Variants in PPP5C observed in about 807,000 individuals in gnomAD.
PPP5C encodes the protein serine/threonine-protein phosphatase 5.
A neutral mutation model predicts 66.7 loss-of-function variants in PPP5C; 21 were observed. The ratio of observed to expected loss-of-function variants is 0.31; its 90% CI spans 0.22 to 0.45. The LOEUF is 0.45. Among genes scored for constraint, PPP5C ranks in the 20% least tolerant of loss-of-function variants. The pLI is 1.00. For synonymous variants in PPP5C, 246 were observed against 257.4 expected (o/e 0.96, Z 0.43); for missense variants, 464 against 675.9 (o/e 0.69, Z 3.48).
At chr19:46,381,250 A>G (rs566842684) in intron 4 of PPP5C, among the ~76,000 whole-genome samples, 1 of 152,164 alleles carries the variant, frequency 6.6e-6, no homozygotes, top group African/African-American at 2.4e-5. Flanking sequence ...GTGTTCATGC[A>G]TGTTGTCCAC....
At chr19:46,371,037 G>A (rs186641806) in intron 2 of PPP5C, among the ~76,000 whole-genome samples, 89 of 152,282 alleles carry the variant, frequency 5.8e-4, no homozygotes, top group African/African-American at 2.0e-3. Flanking sequence ...ACCACGTCCA[G>A]CCTGTGTGTG....
intron 7 of PPP5C, among the ~76,000 whole-genome samples, chr19:46,385,481 T>C (rs566339178): frequency 1.3e-3 from 196 of 152,170 alleles, no homozygotes; most frequent in African/African-American, 4.6e-3. Context: ...TTGTCTCCAG[T>C]AAACATTTTT....
At position 46,383,432 on chromosome 19, in the gene PPP5C, G is replaced by T; in HGVS notation, c.655G>T (p.Val219Phe). 6.2e-7 allele frequency: 1 copy of T among 1,612,380 alleles called. No individual in the cohort carries two copies. The highest frequency in any genetic ancestry group is 1.1e-5 in the South Asian group (1 of 90,676). Residue 219 changes from valine to phenylalanine, a missense_variant, in exon 5 of 13, where the codon GTC (valine) becomes TTC (phenylalanine). Val to Phe is a conservative substitution (Grantham distance 50). Coordinates refer to ENST00000012443, the MANE Select transcript of PPP5C (RefSeq NM_006247.4). This position sits in a 1 kb window ranked among gnomAD's most constrained non-coding sequence, Gnocchi z 5.0. ...CCAGATTCTGGTACAGGTCAAAGAG[G>T]TCCTCTCCAAGCTGAGCACGCTCGT... ...AYQILVQVKEVLSKLSTLVET... is the reference protein window; with the variant it reads ...AYQILVQVKEFLSKLSTLVET...
chr19:46,369,285 T>C (rs371854448), intron 2 of PPP5C, among the ~76,000 whole-genome samples: 2 of 152,214 alleles, frequency 1.3e-5, no homozygotes, highest in African/African-American at 4.8e-5. Flanking sequence ...AGCATGTTAC[T>C]TTAGTGAATG....
chr19:46,384,759 GCA>G, intron 6 of PPP5C, 43 bp from the exon 7 acceptor site: 33 of 1,342,726 alleles, frequency 2.5e-5, no homozygotes, highest in Non-Finnish European at 3.5e-5. Flanking sequence ...CCACCGCACC[GCA>G]CCCTTCCCCT....
At chr19:46,372,943 G>C (rs1394103325) in intron 2 of PPP5C, among the ~76,000 whole-genome samples, 1 of 152,274 alleles carries the variant, frequency 6.6e-6, no homozygotes, top group Non-Finnish European at 1.5e-5. Flanking sequence ...GTCCCAGCTA[G>C]ACCTTGCGTG....
intron 2 of PPP5C, among the ~76,000 whole-genome samples, chr19:46,357,176 T>C (rs749100949): frequency 3.3e-5 from 5 of 152,174 alleles, no homozygotes; most frequent in Non-Finnish European, 5.9e-5. Flanking sequence ...GCCTCCCAAG[T>C]AGCTGGGACT....
rs959788762 is a variant in PPP5C, at chr19:46,356,302, G to T, written c.363+2313G>T. Among the ~76,000 whole-genome samples, 5 of 152,370 alleles carry T rather than the reference G, an allele frequency of 3.3e-5. 1 individual carries two copies. In the South Asian group the frequency reaches 6.2e-4, roughly 19 times the overall value. ...CTGTCATCAGGCCATCCATATGCCT[G>T]CAGGCCTTCAGCCTTGCTCCTTTCT... On this transcript the variant is annotated intron_variant, in intron 2 of 12. Transcript: ENST00000012443.
At position 46,376,716 on chromosome 19, in the gene PPP5C, T is replaced by C; in HGVS notation, c.633+142T>C. 10 of 1,190,538 alleles carry C rather than the reference T, an allele frequency of 8.4e-6. No homozygotes were observed. Among genetic ancestry groups the C allele is most frequent in the Non-Finnish European group, 1.2e-5 (10 of 859,780 alleles). The allele number at this position is 1,190,538 out of a possible 1,614,324, so 73.7% of individuals were successfully genotyped here. ...AACAGGAGTCGTGTGCCGGACACTG[T>C]GCCGAGGGCTTACCACATGATCTCA... On this transcript the variant is annotated intron_variant, in intron 4 of 12. Transcript: ENST00000012443. The surrounding 1 kb of genome is among the most constrained non-coding windows in gnomAD (Gnocchi z 5.1).
chr19:46,369,699 G>A (rs1037269129), intron 2 of PPP5C, among the ~76,000 whole-genome samples: 1 of 151,288 alleles, frequency 6.6e-6, no homozygotes, highest in Admixed American at 6.6e-5. Context: ...AGTCTGAGGC[G>A]GGCAGATCAC....
In PPP5C at chr19:46,372,457, C is replaced by T. The variant is rs962099913; in HGVS notation, c.364-3147C>T. Among the ~76,000 whole-genome samples the T allele has an allele frequency of 3.9e-5, 6 of 152,302 alleles. No homozygotes were observed. In the South Asian group the frequency reaches 1.0e-3, roughly 26 times the overall value. On this transcript the variant is annotated intron_variant, in intron 2 of 12. Transcript: ENST00000012443. ...TGAACTCCTGAGCTCAAGTGATCCT[C>T]CCACCTCAGCCTCCCACAGTGGTGG...
At chr19:46,377,714 TCTGC>T (rs1972720758) in intron 4 of PPP5C, among the ~76,000 whole-genome samples, 2 of 152,218 alleles carry the variant, frequency 1.3e-5, no homozygotes, top group Non-Finnish European at 2.9e-5. Flanking sequence ...GTAAATTAAT[TCTGC>T]CTGGTTTTGA....
intron 1 of PPP5C, 151 bp from the exon 2 acceptor site, chr19:46,353,597 G>A: frequency 2.5e-6 from 3 of 1,198,564 alleles, no homozygotes; most frequent in Non-Finnish European, 3.5e-6. Context: ...GGTTGGGACA[G>A]GCAGGAGGGG....
At chr19:46,363,936 A>C (rs189052601) in intron 2 of PPP5C, among the ~76,000 whole-genome samples, 1 of 152,290 alleles carries the variant, frequency 6.6e-6, no homozygotes, top group East Asian at 1.9e-4. Flanking sequence ...CTGTTTACCC[A>C]CAATGCTTGG....
chr19:46,388,259 A>T lies in PPP5C; in HGVS notation c.1136-149A>T. 1 of 791,612 alleles carries T rather than the reference A, an allele frequency of 1.3e-6. No individual in the cohort carries two copies. The highest frequency in any genetic ancestry group is 2.0e-6 in the Non-Finnish European group (1 of 506,938). The allele number at this position is 791,612 out of a possible 1,614,324, so 49.0% of individuals were successfully genotyped here. On this transcript the variant is annotated intron_variant, in intron 9 of 12. Coordinates refer to ENST00000012443, the MANE Select transcript of PPP5C (RefSeq NM_006247.4). The surrounding 1 kb of genome is among the most constrained non-coding windows in gnomAD (Gnocchi z 4.9). ...TCAGAATCACAGTCACCTGTCCTGAATGTCCATGTCCATGCTGGATGTCCC... is the reference window on the plus strand; with the variant it reads ...TCAGAATCACAGTCACCTGTCCTGATTGTCCATGTCCATGCTGGATGTCCC...
intron 2 of PPP5C, among the ~76,000 whole-genome samples, chr19:46,362,877 G>A (rs1009016871): frequency 2.7e-5 from 4 of 150,020 alleles, no homozygotes; most frequent in African/African-American, 7.3e-5. Context: ...AAGCTCCGCC[G>A]CCCAGGTTCA....
At chr19:46,387,325 G>A in intron 8 of PPP5C, 41 bp from the exon 9 acceptor site, 1 of 1,608,778 alleles carries the variant, frequency 6.2e-7, no homozygotes, top group Non-Finnish European at 8.5e-7. Context: ...CCTGTGGGTG[G>A]GTGGCACCTT....
intron 2 of PPP5C, among the ~76,000 whole-genome samples, chr19:46,360,210 A>G (rs1223712262): frequency 1.3e-5 from 2 of 152,250 alleles, no homozygotes; most frequent in African/African-American, 4.8e-5. Flanking sequence ...ATAATTTAAC[A>G]TAATAATCAT....
Position 46,390,371 on chromosome 19 carries a change from C to T in PPP5C, c.*25C>T. On this transcript the variant is annotated 3_prime_UTR_variant, in exon 13 of 13. Transcript: ENST00000012443. ...AGGTGACGGGCGGGGCGGCCTGCAT[C>T]CCAGGGCCCCTCCAATCCCACCGGA... 1 of 1,558,262 alleles carries T rather than the reference C, an allele frequency of 6.4e-7. No individual in the cohort carries two copies. The highest frequency in any genetic ancestry group is 8.7e-7 in the Non-Finnish European group (1 of 1,151,052).
Sources: allele counts gnomAD v4.1 joint callset (sites outside exome capture counted in the v4.1 genomes callset), GRCh38; gene constraint gnomAD v4.1.1; non-coding constraint Gnocchi (gnomAD v3.1); transcripts MANE v1.5; gene names NCBI Gene and HGNC (gene_info 2026-07-23, HGNC 2026-07-21).